DOCK8: variants seen among roughly 807,000 people sequenced by gnomAD.
The protein encoded by DOCK8 is dedicator of cytokinesis protein 8.
A neutral mutation model predicts 245.6 loss-of-function variants in DOCK8; 141 were observed. The ratio of observed to expected loss-of-function variants is 0.57; its 90% CI spans 0.50 to 0.66. The LOEUF is 0.66. DOCK8 is among the 30% of genes least tolerant of loss of function. DOCK8 has a pLI of 0.00. For missense variants in DOCK8, 2,965 were observed against 2,603.4 expected, an observed-to-expected ratio of 1.14 and a Z score of -3.02; for synonymous variants, 1,168 against 970.2, an observed-to-expected ratio of 1.20 and a Z score of -3.79.
intron 9 of DOCK8, among the ~76,000 whole-genome samples, chr9:328,724 C>CT (rs138574471): frequency 5.6e-4 from 82 of 145,672 alleles, no homozygotes; most frequent in African/African-American, 8.0e-4. Flanking sequence ...TTTCATCCTC[C>CT]TTTTTTTTTT....
At chr9:455,840 T>A (rs10974555) in intron 46 of DOCK8, among the ~76,000 whole-genome samples, 63,920 of 146,398 alleles carry the variant, frequency 0.44, 15,832 homozygotes, top group Non-Finnish European at 0.58. Flanking sequence ...TCAATAAAAT[T>A]ATGTGAGAAC....
intron 5 of DOCK8, among the ~76,000 whole-genome samples, chr9:309,711 A>C (rs1278930813): frequency 6.6e-6 from 1 of 152,198 alleles, no homozygotes; most frequent in Non-Finnish European, 1.5e-5. Context: ...AACTGTTACC[A>C]AATTCCCGTA....
chr9:343,440 G>A (rs1034461711), intron 14 of DOCK8, among the ~76,000 whole-genome samples: 3 of 151,666 alleles, frequency 2.0e-5, no homozygotes, highest in Admixed American at 1.3e-4. Context: ...GGTTAGCCTT[G>A]TGCCACTGCT....
intron 19 of DOCK8, 22 bp downstream of exon 19, chr9:376,327 C>A (rs2131256968): frequency 6.5e-7 from 1 of 1,543,948 alleles, no homozygotes; most frequent in Non-Finnish European, 9.0e-7. Flanking sequence ...CAAGGTTAAT[C>A]ATGAAGGTAA....
intron 1 of DOCK8, among the ~76,000 whole-genome samples, chr9:249,877 C>T (rs1213301026): frequency 6.6e-6 from 1 of 152,066 alleles, no homozygotes. Context: ...ACGCCCCCGC[C>T]TCGGCATCCC....
At chr9:338,231 G>A (rs2051411034) in intron 12 of DOCK8, among the ~76,000 whole-genome samples, 1 of 152,138 alleles carries the variant, frequency 6.6e-6, no homozygotes, top group Non-Finnish European at 1.5e-5. Flanking sequence ...AAACTCGCTT[G>A]GTCTGACTCT....
intron 20 of DOCK8, among the ~76,000 whole-genome samples, chr9:379,060 A>G (rs970412533): frequency 2.0e-5 from 3 of 152,224 alleles, no homozygotes; most frequent in African/African-American, 4.8e-5. Flanking sequence ...GGCGAGGACA[A>G]CAGCATGAGC....
chr9:215,582 C>A, intron 1 of DOCK8: 1 of 757,776 alleles, frequency 1.3e-6, no homozygotes, highest in Non-Finnish European at 1.9e-6. Context: ...TACCCTGGTC[C>A]AAAGGAGCCA....
In DOCK8 at chr9:432,178, G is replaced by A. The variant is rs1249232065; in HGVS notation, c.4639G>A (p.Val1547Ile). The part of the protein sequence containing the change: ...SFGATSNFAR[V>I]KMQVTMSLAS... ...TTCACTGATGCAGAATTTTGCAAGA[G>A]TAAAGATGCAAGTAACCATGTCCCT... Residue 1547 changes from valine (V) to isoleucine (I), a missense_variant, in exon 37 of 48, where the codon GTA (valine) becomes ATA (isoleucine). This residue lies in a region of DOCK8 where 2,825 missense variants were observed against 2,453.5 expected (regional missense o/e 1.15). Transcript: ENST00000432829. 6.2e-7 allele frequency: 1 copy of A among 1,611,560 alleles called. No individual in the cohort carries two copies. Among genetic ancestry groups the A allele is most frequent in the African/African-American group, 1.3e-5 (1 of 74,126 alleles).
intron 7 of DOCK8, 100 bp from the exon 8 acceptor site, chr9:325,571 C>A: frequency 1.0e-6 from 1 of 955,526 alleles, no homozygotes; most frequent in South Asian, 1.3e-5. Context: ...TTTCGGGAAA[C>A]TGCTCATATT....
At position 290,293 on chromosome 9, in the gene DOCK8, A is replaced by T. The variant is rs2048984751; in HGVS notation, c.404+712A>T. ...GGTTTTTTTTTTTGCGATTTTTTTA[A>T]AGCTCATTAGCTATTGTTAGTGTTA... is the stretch of plus-strand genomic sequence containing the variant. On this transcript the variant is annotated intron_variant, in intron 4 of 47. Coordinates refer to ENST00000432829, the MANE Select transcript of DOCK8 (RefSeq NM_203447.4). Among the ~76,000 whole-genome samples, 2 of 152,054 alleles carry T rather than the reference A, an allele frequency of 1.3e-5. 1 individual carries two copies. Among genetic ancestry groups the T allele is most frequent in the South Asian group, 4.1e-4 (2 of 4,828 alleles).
At chr9:371,646 C>G (rs1026332924) in intron 17 of DOCK8, 80 bp downstream of exon 17, 2 of 1,580,900 alleles carry the variant, frequency 1.3e-6, no homozygotes, top group Non-Finnish European at 8.6e-7. Context: ...CAACCAAATT[C>G]TATTCACTTG....
chr9:324,756 T>C (rs2130800012), intron 7 of DOCK8, among the ~76,000 whole-genome samples: 1 of 152,292 alleles, frequency 6.6e-6, no homozygotes, highest in South Asian at 2.1e-4. Flanking sequence ...GAAAAGCAAT[T>C]GAACTTTTCT....
At chr9:449,409 A>C (rs775847967) in intron 44 of DOCK8, among the ~76,000 whole-genome samples, 3 of 152,090 alleles carry the variant, frequency 2.0e-5, no homozygotes, top group Non-Finnish European at 4.4e-5. Flanking sequence ...AGGAAAAGGC[A>C]CCTGACAGGG....
intron 35 of DOCK8, among the ~76,000 whole-genome samples, chr9:429,340 T>C (rs2056621648): frequency 1.3e-5 from 2 of 152,244 alleles, no homozygotes; most frequent in South Asian, 4.1e-4. Context: ...AGTAAAATTC[T>C]TCTGCTCATC....
Position 446,397 on chromosome 9 carries a change from C to A in DOCK8, c.5608C>A (p.Pro1870Thr). Reference sequence around the variant, plus strand: ...CTACATACAGATCACTTTTGTGGAGCCCTACTTTGATGAGTATGAGATGAA... The same window carrying A: ...CTACATACAGATCACTTTTGTGGAGACCTACTTTGATGAGTATGAGATGAA... ...KAYIQITFVE[P>T]YFDEYEMKDR... The change falls in exon 44 of 48, where the codon CCC (proline) becomes ACC (threonine). Residue 1870 changes from proline to threonine, a missense_variant. Physicochemically the swap from Pro to Thr is conservative, Grantham distance 38 (BLOSUM62 -1). Transcript: ENST00000432829. 1.2e-6 allele frequency: 2 copies of A among 1,614,210 alleles called. No individual in the cohort carries two copies. The highest frequency in any genetic ancestry group is 2.2e-5 in the East Asian group (1 of 44,888).
chr9:443,205 C>T (rs2057147072), intron 42 of DOCK8, among the ~76,000 whole-genome samples: 1 of 152,140 alleles, frequency 6.6e-6, no homozygotes, highest in Non-Finnish European at 1.5e-5. Flanking sequence ...GAATTAGAGG[C>T]CAAGCATACA....
At chr9:439,410 C>G in intron 40 of DOCK8, 22 bp downstream of exon 40, 1 of 1,610,442 alleles carries the variant, frequency 6.2e-7, no homozygotes, top group South Asian at 1.1e-5. Context: ...GAGGGCATCC[C>G]GGGGCCTGGC....
At chr9:267,282 T>C (rs747247948) in intron 1 of DOCK8, among the ~76,000 whole-genome samples, 8 of 152,236 alleles carry the variant, frequency 5.3e-5, no homozygotes, top group Non-Finnish European at 1.2e-4. Flanking sequence ...CACAGTTCAC[T>C]GTAGCCTCAA....
Sources: allele counts gnomAD v4.1 joint callset (sites outside exome capture counted in the v4.1 genomes callset), GRCh38; gene constraint gnomAD v4.1.1; regional missense constraint gnomAD v4.1.1; transcripts MANE v1.5; gene names NCBI Gene and HGNC (gene_info 2026-07-23, HGNC 2026-07-21).